The following GSDMA variants were observed in gnomAD, a reference collection of about 807,000 sequenced individuals.
The protein encoded by GSDMA is gasdermin A, also known as gasdermin-A.
In GSDMA, 55 loss-of-function variants were observed where a neutral mutation model predicts 54.3. That is an observed-to-expected ratio of 1.01 (90% CI 0.82 to 1.27). The LOEUF is 1.27. Ranked by LOEUF, GSDMA falls within the 50% of genes most tolerant of loss-of-function variation. The pLI, the probability that GSDMA is intolerant of heterozygous loss-of-function variation, is 0.00. For missense variants in GSDMA, 542 were observed against 542.6 expected (o/e 1.00, Z 0.01); for synonymous variants, 211 against 224.7 (o/e 0.94, Z 0.54).
intron 3 of GSDMA, among the ~76,000 whole-genome samples, chr17:39,968,303 G>C (rs532016523): frequency 1.2e-4 from 18 of 146,336 alleles, no homozygotes; most frequent in Admixed American, 7.5e-4. Context: ...GCCCCCAAAA[G>C]TGCTGGGATT....
In GSDMA at chr17:39,976,996, C is replaced by T; in HGVS notation, c.1276C>T (p.Pro426Ser). 6.2e-7 allele frequency: 1 copy of T among 1,613,960 alleles called. No homozygotes were observed. The highest frequency in any genetic ancestry group is 8.5e-7 in the Non-Finnish European group (1 of 1,179,884). Residue 426 changes from proline (P) to serine (S), a missense_variant, in exon 12 of 12, where the codon CCT becomes TCT. Physicochemically the swap from Pro to Ser is moderately conservative, Grantham distance 74. Transcript: ENST00000301659. ...ATATATGTGGGACCCAGACACCCTC[C>T]CTCGCCTCTGTGCTCTTTATGCAGG... ...PQYMWDPDTL[P>S]RLCALYAGLS...
At chr17:39,974,517 T>A in intron 9 of GSDMA, 90 bp downstream of exon 9, 3 of 1,347,284 alleles carry the variant, frequency 2.2e-6, no homozygotes, top group Non-Finnish European at 3.0e-6. Flanking sequence ...GGTAGGGAGA[T>A]CTGACGGGGG....
chr17:39,974,524 G>C, intron 9 of GSDMA, 97 bp downstream of exon 9: 2 of 1,353,102 alleles, frequency 1.5e-6, no homozygotes, highest in Non-Finnish European at 2.0e-6. Context: ...AGATCTGACG[G>C]GGGCAGGAGG....
rs2144796838 is a variant in GSDMA at position 39,974,366 on chromosome 17, T to A, written c.845T>A (p.Leu282Gln). The A allele has an allele frequency of 6.2e-7, 1 of 1,601,876 alleles. No individual in the cohort carries two copies. Among genetic ancestry groups the A allele is most frequent in the East Asian group, 2.3e-5 (1 of 44,402 alleles). ...EKLSRVGQSS[L>Q]LSSLSKLLGK... is the part of the protein sequence containing the mutation. Reference sequence around the variant, plus strand: ...CTGAGCCGAGTAGGGCAAAGCTCCCTGCTCAGCTCCCTCAGCAAACTTCTA... The same window carrying A: ...CTGAGCCGAGTAGGGCAAAGCTCCCAGCTCAGCTCCCTCAGCAAACTTCTA... Residue 282 changes from leucine (L) to glutamine (Q), a missense_variant, in exon 9 of 12, where the codon CTG (leucine) becomes CAG (glutamine). Leu to Gln is a moderately radical substitution (Grantham distance 113). Transcript: ENST00000301659.
At chr17:39,972,639 A>C (rs527300784) in intron 7 of GSDMA, 26 bp downstream of exon 7, 1 of 1,604,766 alleles carries the variant, frequency 6.2e-7, no homozygotes, top group Admixed American at 1.7e-5. Context: ...CATTCCACTG[A>C]AACTTTCTTG....
At position 39,972,190 on chromosome 17, in the gene GSDMA, C is replaced by G; in HGVS notation, c.703+14C>G. 6.5e-7 allele frequency: 1 copy of G among 1,532,462 alleles called. No individual in the cohort carries two copies. Among genetic ancestry groups the G allele is most frequent in the Non-Finnish European group, 8.9e-7 (1 of 1,124,942 alleles). The allele number at this position is 1,532,462 out of a possible 1,614,324, so 94.9% of individuals were successfully genotyped here. The stretch of plus-strand genomic sequence containing the variant: ...TCCCTCCTGGAGGTAAGTGAAATTG[C>G]TTACGGGCTTCCCACATCTTCCGCC... On this transcript the variant is annotated intron_variant, in intron 6 of 11. Coordinates refer to ENST00000301659, the MANE Select transcript of GSDMA (RefSeq NM_178171.5).
At position 39,965,835 on chromosome 17, in the gene GSDMA, G is replaced by A; in HGVS notation, c.148G>A (p.Gly50Arg). The change falls in exon 2 of 12, where the codon GGG becomes AGG. Residue 50 changes from glycine to arginine, a missense_variant. Coordinates refer to ENST00000301659, the MANE Select transcript of GSDMA (RefSeq NM_178171.5). Reference protein sequence around the residue: ...LRKRKSTLFWGARYVRTDYTL... With the variant: ...LRKRKSTLFWRARYVRTDYTL... Reference sequence around the variant, plus strand: ...GAAGAGGAAGAGCACGCTCTTCTGGGGGGCCCGGTACGTCCGCACCGACTA... The same window carrying A: ...GAAGAGGAAGAGCACGCTCTTCTGGAGGGCCCGGTACGTCCGCACCGACTA... 3 of 1,579,352 alleles carry A rather than the reference G, an allele frequency of 1.9e-6. No homozygotes were observed. Among genetic ancestry groups the A allele is most frequent in the Non-Finnish European group, 2.6e-6 (3 of 1,163,178 alleles).
rs781106611 is a variant in GSDMA, at chr17:39,966,321, T to A, written c.276T>A (p.Asp92Glu). 1.9e-6 allele frequency: 3 copies of A among 1,613,722 alleles called. No individual in the cohort carries two copies. In the South Asian group the frequency reaches 3.3e-5, roughly 18 times the overall value. ...TGCTGGACACCCGAGTGGAGGGAGA[T>A]GTGGATGTACCAAAGACGGTGAAGG... is the stretch of plus-strand genomic sequence containing the variant. ...KNMLDTRVEG[D>E]VDVPKTVKVK... is the part of the protein sequence containing the mutation. Residue 92 changes from aspartate (D) to glutamate (E), a missense_variant, in exon 3 of 12, where the codon GAT becomes GAA. Transcript: ENST00000301659.
At chr17:39,965,622 C>G (rs1979609741) in intron 1 of GSDMA, 61 bp from the exon 2 acceptor site, 7 of 1,312,330 alleles carry the variant, frequency 5.3e-6, no homozygotes, top group Middle Eastern at 3.6e-4. Context: ...AGCCTATATC[C>G]CGGGCTCCTT....
chr17:39,965,423 A>C, intron 1 of GSDMA: 1 of 491,020 alleles, frequency 2.0e-6, no homozygotes, highest in East Asian at 3.3e-5. Context: ...CTTGACAAAG[A>C]AAAGGGAGGT....
At chr17:39,973,662 C>A in intron 7 of GSDMA, 148 bp from the exon 8 acceptor site, 1 of 670,620 alleles carries the variant, frequency 1.5e-6, no homozygotes, top group Non-Finnish European at 2.6e-6. Context: ...GCCACTGAGT[C>A]ACAGTAATGC....
At chr17:39,975,774 C>A in intron 10 of GSDMA, 150 bp from the exon 11 acceptor site, 1 of 519,806 alleles carries the variant, frequency 1.9e-6, no homozygotes. Context: ...ACTCCAAGAC[C>A]AAAGTGGACC....
At chr17:39,965,128 A>G (rs1979575601) in intron 1 of GSDMA, among the ~76,000 whole-genome samples, 1 of 151,440 alleles carries the variant, frequency 6.6e-6, no homozygotes, top group African/African-American at 2.4e-5. Flanking sequence ...TCGGAAGAAA[A>G]GAGAAGAAAG....
At chr17:39,972,483 G>A in intron 6 of GSDMA, 104 bp from the exon 7 acceptor site, 1 of 1,053,260 alleles carries the variant, frequency 9.5e-7, no homozygotes. Flanking sequence ...TAATCTCCCT[G>A]TGTTTTTATA....
chr17:39,965,602 G>T, intron 1 of GSDMA, 81 bp from the exon 2 acceptor site: 2 of 1,009,860 alleles, frequency 2.0e-6, no homozygotes, highest in Non-Finnish European at 3.0e-6. Flanking sequence ...AACTCTCTCT[G>T]CAGGGGCCCA....
intron 1 of GSDMA, among the ~76,000 whole-genome samples, chr17:39,964,423 G>C (rs186166646): frequency 6.6e-6 from 1 of 152,158 alleles, no homozygotes; most frequent in East Asian, 1.9e-4. Context: ...ACAAAAATTA[G>C]CCAGGCGTGG....
intron 3 of GSDMA, among the ~76,000 whole-genome samples, chr17:39,968,361 T>TTTTTTTTTTTTTTTTTTTTTG (rs1181630775): frequency 7.5e-6 from 1 of 132,470 alleles, no homozygotes. Context: ...TTTTTTTTTT[T>TTTTTTTTTTTTTTTTTTTTTG]TTTTGAGACG....
chr17:39,965,871 G>A lies in GSDMA; in HGVS notation c.184G>A (p.Asp62Asn), dbSNP rs1035278136. ...CGTCCGCACCGACTACACGCTGCTG[G>A]ATGTGCTTGAGCCCGGCAGCTCACC... ...RYVRTDYTLL[D>N]VLEPGSSPSD... The change falls in exon 2 of 12, where the codon GAT becomes AAT. Residue 62 changes from aspartate (D) to asparagine (N), a missense_variant. Coordinates refer to ENST00000301659, the MANE Select transcript of GSDMA (RefSeq NM_178171.5). 8 of 1,558,428 alleles carry A rather than the reference G, an allele frequency of 5.1e-6. 1 individual carries two copies. The Middle Eastern group carries it at 1.2e-3, about 228-fold the overall frequency.
intron 1 of GSDMA, 151 bp from the exon 2 acceptor site, chr17:39,965,532 A>G (rs924938361): frequency 1.6e-5 from 10 of 620,070 alleles, no homozygotes; most frequent in Middle Eastern, 3.4e-4. Flanking sequence ...GATTCTTTCC[A>G]GCTGTGACAT....
Sources: allele counts gnomAD v4.1 joint callset (sites outside exome capture counted in the v4.1 genomes callset), GRCh38; gene constraint gnomAD v4.1.1; transcripts MANE v1.5; gene names NCBI Gene and HGNC (gene_info 2026-07-23, HGNC 2026-07-21).